SLC9A3: variants seen among roughly 807,000 people sequenced by gnomAD.
The protein encoded by SLC9A3 is solute carrier family 9 member A3, also known as sodium/hydrogen exchanger 3.
A neutral mutation model predicts 86.8 loss-of-function variants in SLC9A3; 37 were observed. The ratio of observed to expected loss-of-function variants is 0.43; its 90% CI spans 0.33 to 0.56. SLC9A3 has a LOEUF of 0.56. Among genes scored for constraint, SLC9A3 ranks in the 20% least tolerant of loss-of-function variants. SLC9A3 has a pLI of 0.06. For missense variants in SLC9A3, 1,011 were observed against 1,171.9 expected (o/e 0.86, Z 2.00); for synonymous variants, 581 against 528.3 (o/e 1.10, Z -1.37).
At chr5:519,089 T>C (rs1733812849) in intron 1 of SLC9A3, among the ~76,000 whole-genome samples, 1 of 152,176 alleles carries the variant, frequency 6.6e-6, no homozygotes. Flanking sequence ...ACTTCACCCC[T>C]TCAGGGCCAG....
At chr5:498,427 T>A (rs1456758885) in intron 1 of SLC9A3, among the ~76,000 whole-genome samples, 1 of 152,160 alleles carries the variant, frequency 6.6e-6, no homozygotes, top group East Asian at 1.9e-4. Flanking sequence ...TTTTGAGACA[T>A]CATCTCGTTC....
In SLC9A3 at chr5:475,099, G is replaced by T. The variant is rs202198760; in HGVS notation, c.2285C>A (p.Ala762Asp). ...CCTGGCCAGGAGGCTGCGGTCCAGG[G>T]CCTCGTCCGGAGAAAACACAGGGTT... Reference protein sequence around the residue: ...IDNPVFSPDEALDRSLLARLP... With the variant: ...IDNPVFSPDEDLDRSLLARLP... Residue 762 changes from alanine to aspartate, a missense_variant, in exon 16 of 17, where the codon GCC becomes GAC. Physicochemically the swap from Ala to Asp is moderately radical, Grantham distance 126. Transcript: ENST00000264938. The T allele has an allele frequency of 3.7e-5, 60 of 1,606,970 alleles. No homozygotes were observed. The East Asian group carries it at 1.3e-3, about 34-fold the overall frequency.
Position 497,296 on chromosome 5 carries a change from A to C in SLC9A3, c.212-5225T>G, listed in dbSNP as rs1740064339. On this transcript the variant is annotated intron_variant, in intron 1 of 16. Coordinates refer to ENST00000264938, the MANE Select transcript of SLC9A3 (RefSeq NM_004174.4). The surrounding 1 kb of genome is among the most constrained non-coding windows in gnomAD (Gnocchi z 5.4). ...CTCGGGCGACACGGTGCACTGGCCG[A>C]ATTCCCTCCAGGTGCAGGAGTCGAC... is the stretch of plus-strand genomic sequence containing the variant. 6.6e-6 allele frequency among the ~76,000 whole-genome samples: 1 copy of C among 152,102 alleles called. No individual in the cohort carries two copies.
chr5:509,673 C>T (rs1301703218), intron 1 of SLC9A3, among the ~76,000 whole-genome samples: 1 of 152,126 alleles, frequency 6.6e-6, no homozygotes, highest in Non-Finnish European at 1.5e-5. Context: ...ACTCAGTGAA[C>T]TGCCAGGGAC....
In SLC9A3 at chr5:472,364, A is replaced by G. The variant is rs1738407279; in HGVS notation, c.*1015T>C. ...GGGGGGCGGTGCCCTGGGCCCCTCC[A>G]TGCCCCCTGGTTTGTTAAGGGGGAC... On this transcript the variant is annotated 3_prime_UTR_variant, in exon 17 of 17. Transcript: ENST00000264938. 3.0e-6 allele frequency: 1 copy of G among 333,890 alleles called. No homozygotes were observed. The highest frequency in any genetic ancestry group is 4.5e-5 in the Admixed American group (1 of 22,376). 20.7% of individuals were successfully genotyped at this position (333,890 alleles called of 1,614,324 possible). A position where few individuals can be genotyped will look rare whatever the true frequency, so the allele number is the denominator to read the frequency against.
At chr5:521,123 C>T (rs1033350868) in intron 1 of SLC9A3, among the ~76,000 whole-genome samples, 20 of 152,226 alleles carry the variant, frequency 1.3e-4, no homozygotes, top group Non-Finnish European at 2.5e-4. Flanking sequence ...TGTGGAGTGG[C>T]TCCGTGGCCT....
intron 1 of SLC9A3, among the ~76,000 whole-genome samples, chr5:493,157 G>C (rs1021369134): frequency 1.3e-5 from 2 of 151,662 alleles, no homozygotes; most frequent in African/African-American, 2.4e-5. Flanking sequence ...CGCTCGGCCT[G>C]ATTTCAAAAT....
rs142689247 is a variant in SLC9A3 at position 475,589 on chromosome 5, G to A, written c.2223C>T (p.Thr741=). 2.6e-6 allele frequency: 4 copies of A among 1,551,266 alleles called. No individual in the cohort carries two copies. The highest frequency in any genetic ancestry group is 3.5e-6 in the Non-Finnish European group (4 of 1,146,152). The change falls in exon 15 of 17, where the codon ACC becomes ACT. Residue 741 remains threonine, a synonymous_variant. Transcript: ENST00000264938. ...CAGGGGAGTCGGACGCTGTGTCCTT[G>A]GTGACACTAGCCAGGAACTCGATCC... ...SGGIEFLASV[T]KDTASDSPAG...
rs572342895 is a variant in SLC9A3 at position 491,263 on chromosome 5, C to G, written c.514+506G>C. Among the ~76,000 whole-genome samples, 5 of 152,254 alleles carry G rather than the reference C, an allele frequency of 3.3e-5. No individual in the cohort carries two copies. The highest frequency in any genetic ancestry group is 1.2e-4 in the African/African-American group (5 of 41,568). ...CACCTGGCATGTTGAGAGGCGCCAGCCACGCGTGGTCTGGGTCCGGGGCGG... is the reference window on the plus strand; with the variant it reads ...CACCTGGCATGTTGAGAGGCGCCAGGCACGCGTGGTCTGGGTCCGGGGCGG... On this transcript the variant is annotated intron_variant, in intron 2 of 16. Coordinates refer to ENST00000264938, the MANE Select transcript of SLC9A3 (RefSeq NM_004174.4). The surrounding 1 kb of genome is among the most constrained non-coding windows in gnomAD (Gnocchi z 9.2).
intron 1 of SLC9A3, among the ~76,000 whole-genome samples, chr5:513,121 A>T (rs1263752450): frequency 6.6e-6 from 1 of 152,092 alleles, no homozygotes; most frequent in Non-Finnish European, 1.5e-5. Flanking sequence ...GGGGGCGTGC[A>T]CCTACTGTGA....
intron 16 of SLC9A3, among the ~76,000 whole-genome samples, chr5:473,675 A>T (rs1331110797): frequency 1.3e-5 from 2 of 152,084 alleles, no homozygotes; most frequent in Non-Finnish European, 2.9e-5. Flanking sequence ...GCAGCGCGGG[A>T]GGTCAAGGTC....
At chr5:481,501 C>G (rs953385029) in intron 9 of SLC9A3, 64 bp downstream of exon 9, 4 of 1,371,722 alleles carry the variant, frequency 2.9e-6, no homozygotes, top group Non-Finnish European at 3.1e-6. Context: ...CTGGTTCTTC[C>G]GAGTGGAGGA....
At chr5:511,593 C>T (rs1177462379) in intron 1 of SLC9A3, among the ~76,000 whole-genome samples, 2 of 152,242 alleles carry the variant, frequency 1.3e-5, no homozygotes, top group African/African-American at 4.8e-5. Context: ...ACGGAGACAC[C>T]ACCACGTACC....
Position 524,428 on chromosome 5 carries a change from GT to G in SLC9A3, c.-107del. 2.8e-6 allele frequency: 1 copy of G among 355,054 alleles called. No homozygotes were observed. The highest frequency in any genetic ancestry group is 1.3e-4 in the South Asian group (1 of 7,842). 22.0% of individuals were successfully genotyped at this position (355,054 alleles called of 1,614,324 possible). On this transcript the variant is annotated 5_prime_UTR_variant, in exon 1 of 17. Coordinates refer to ENST00000264938, the MANE Select transcript of SLC9A3 (RefSeq NM_004174.4). ...CCCGGCGAGGACCCGGCGCGCTCCG[GT>G]GCCGGTACCGGCTACAGTCCGATCC...
chr5:513,933 A>G (rs1419164664), intron 1 of SLC9A3, among the ~76,000 whole-genome samples: 2 of 152,192 alleles, frequency 1.3e-5, no homozygotes, highest in Admixed American at 6.5e-5. Context: ...CGGGCCACGC[A>G]CAGCCACTGG....
intron 5 of SLC9A3, 53 bp downstream of exon 5, chr5:484,467 G>C: frequency 6.4e-7 from 1 of 1,570,104 alleles, no homozygotes; most frequent in Non-Finnish European, 8.7e-7. Context: ...GGAGGGTGTG[G>C]AGAAGCTCGG....
chr5:473,314 C>T lies in SLC9A3; in HGVS notation c.*65G>A, dbSNP rs1738504287. The T allele has an allele frequency of 7.2e-7, 1 of 1,379,514 alleles. No homozygotes were observed. Among genetic ancestry groups the T allele is most frequent in the Non-Finnish European group, 9.4e-7 (1 of 1,062,556 alleles). The allele number at this position is 1,379,514 out of a possible 1,614,324, so 85.5% of individuals were successfully genotyped here. A position where few individuals can be genotyped will look rare whatever the true frequency, so the allele number is the denominator to read the frequency against. On this transcript the variant is annotated 3_prime_UTR_variant, in exon 17 of 17. Coordinates refer to ENST00000264938, the MANE Select transcript of SLC9A3 (RefSeq NM_004174.4). ...ATCTGGGGTTTCTCTGGGACAGCGG[C>T]GGCGGCGGTGGGCGGACCGTGGCGC... is the stretch of plus-strand genomic sequence containing the variant.
chr5:473,409 G>A, intron 16 of SLC9A3, 27 bp from the exon 17 acceptor site: 1 of 1,389,106 alleles, frequency 7.2e-7, no homozygotes. Flanking sequence ...CGTGAGCGGC[G>A]CGCGGAGCCC....
intron 1 of SLC9A3, among the ~76,000 whole-genome samples, chr5:521,597 G>A (rs1733886343): frequency 6.6e-6 from 1 of 152,224 alleles, no homozygotes; most frequent in Non-Finnish European, 1.5e-5. Context: ...GACTGAAAGA[G>A]TGTGGCCAAC....
Sources: gnomAD v4.1 joint callset for allele counts (sites outside exome capture counted in the v4.1 genomes callset) on GRCh38, gnomAD v4.1.1 for gene constraint, Gnocchi (gnomAD v3.1) non-coding constraint, MANE v1.5 for transcripts, NCBI Gene and HGNC (gene_info 2026-07-23, HGNC 2026-07-21) for gene names.